Variants in SOX9 observed in about 807,000 individuals in gnomAD.
SOX9 encodes the protein transcription factor SOX-9.
In SOX9, 2 loss-of-function variants were observed where a neutral mutation model predicts 44.8. The ratio of observed to expected loss-of-function variants is 0.04; its 90% CI spans 0.02 to 0.14. SOX9 has a LOEUF of 0.14. SOX9 is among the 10% of genes least tolerant of loss of function. The pLI is 1.00. For missense variants in SOX9, 583 were observed against 728.6 expected (o/e 0.80, Z 2.30); for synonymous variants, 381 against 331.8 (o/e 1.15, Z -1.61).
rs1487984775 is a variant in SOX9, at chr17:72,123,039, G to A, written c.685+67G>A. 3.8e-6 allele frequency: 6 copies of A among 1,583,648 alleles called. No individual in the cohort carries two copies. The highest frequency in any genetic ancestry group is 5.2e-6 in the Non-Finnish European group (6 of 1,164,492). ...CCGCCTGGCACACCCCCTGCCCTCC[G>A]CCTGGGAGATTCTTCGTGGGGACTT... On this transcript the variant is annotated intron_variant, in intron 2 of 2. Transcript: ENST00000245479. This position sits in a 1 kb window ranked among gnomAD's most constrained non-coding sequence, Gnocchi z 6.5.
At position 72,124,271 on chromosome 17, in the gene SOX9, G is replaced by T. The variant is rs1336660139; in HGVS notation, c.1414G>T (p.Ala472Ser). ...CTCCACCTTCACCTACATGAACCCC[G>T]CTCAGCGCCCCATGTACACCCCCAT... ...LYSTFTYMNPAQRPMYTPIAD... is the reference protein window; with the variant it reads ...LYSTFTYMNPSQRPMYTPIAD... The change falls in exon 3 of 3, where the codon GCT becomes TCT. Residue 472 changes from alanine to serine, a missense_variant. Coordinates refer to ENST00000245479, the MANE Select transcript of SOX9 (RefSeq NM_000346.4). This position sits in a 1 kb window ranked among gnomAD's most constrained non-coding sequence, Gnocchi z 4.6. 1 of 1,611,914 alleles carries T rather than the reference G, an allele frequency of 6.2e-7. No individual in the cohort carries two copies. The highest frequency in any genetic ancestry group is 8.5e-7 in the Non-Finnish European group (1 of 1,179,878).
At position 72,125,744 on chromosome 17, in the gene SOX9, C is replaced by T. The variant is rs1908266141; in HGVS notation, c.*1357C>T. ...TCCTCACCCTAGATTTGTATAAATG[C>T]CTTTTTGTCCATCCCTTTTTTCTTT... On this transcript the variant is annotated 3_prime_UTR_variant, in exon 3 of 3. Transcript: ENST00000245479. The T allele has an allele frequency of 1.3e-5, 3 of 225,578 alleles. No individual in the cohort carries two copies. Among genetic ancestry groups the T allele is most frequent in the Non-Finnish European group, 2.7e-5 (3 of 113,144 alleles). The allele number at this position is 225,578 out of a possible 1,614,324, so 14.0% of individuals were successfully genotyped here.
chr17:72,122,418 G>A (rs1037676232), intron 1 of SOX9, among the ~76,000 whole-genome samples: 1 of 130,166 alleles, frequency 7.7e-6, no homozygotes, highest in Admixed American at 8.8e-5. Context: ...CAGCAAAGGC[G>A]TTTAGGGGGC....
rs766659226 is a variant in SOX9, at chr17:72,121,260, G to A, written c.-132G>A. 103 of 806,388 alleles carry A rather than the reference G, an allele frequency of 1.3e-4. No homozygotes were observed. The highest frequency in any genetic ancestry group is 1.9e-4 in the Non-Finnish European group (96 of 505,334). 50.0% of individuals were successfully genotyped at this position (806,388 alleles called of 1,614,324 possible). The stretch of plus-strand genomic sequence containing the variant: ...GTGCTCGCCGCGGTAGCCGGCCGAC[G>A]CGCCAGCTTCCCCGGGAGCCGCTTG... On this transcript the variant is annotated 5_prime_UTR_variant, in exon 1 of 3. Coordinates refer to ENST00000245479, the MANE Select transcript of SOX9 (RefSeq NM_000346.4). The surrounding 1 kb of genome is among the most constrained non-coding windows in gnomAD (Gnocchi z 8.3).
At position 72,121,602 on chromosome 17, in the gene SOX9, G is replaced by A. The variant is rs2143238492; in HGVS notation, c.211G>A (p.Val71Met). The A allele has an allele frequency of 6.2e-7, 1 of 1,604,836 alleles. No homozygotes were observed. Among genetic ancestry groups the A allele is most frequent in the Non-Finnish European group, 8.5e-7 (1 of 1,175,976 alleles). Residue 71 changes from valine (V) to methionine (M), a missense_variant, in exon 1 of 3, where the codon GTG (valine) becomes ATG (methionine). Val to Met is a conservative substitution (Grantham distance 21). Transcript: ENST00000245479. This position sits in a 1 kb window ranked among gnomAD's most constrained non-coding sequence, Gnocchi z 8.3. ...KKESEEDKFPVCIREAVSQVL... is the reference protein window; with the variant it reads ...KKESEEDKFPMCIREAVSQVL... Reference sequence around the variant, plus strand: ...GGAGAGCGAGGAGGACAAGTTCCCCGTGTGCATCCGCGAGGCGGTCAGCCA... The same window carrying A: ...GGAGAGCGAGGAGGACAAGTTCCCCATGTGCATCCGCGAGGCGGTCAGCCA...
rs1181101308 is a variant in SOX9, at chr17:72,121,226, C to G, written c.-166C>G. The stretch of plus-strand genomic sequence containing the variant: ...GCAGCTGTGAACTGGCCACCCCGCG[C>G]CTTCCTAAGTGCTCGCCGCGGTAGC... On this transcript the variant is annotated 5_prime_UTR_variant, in exon 1 of 3. Coordinates refer to ENST00000245479, the MANE Select transcript of SOX9 (RefSeq NM_000346.4). The surrounding 1 kb of genome is among the most constrained non-coding windows in gnomAD (Gnocchi z 8.3). 8 of 645,614 alleles carry G rather than the reference C, an allele frequency of 1.2e-5. No homozygotes were observed. In the East Asian group the frequency reaches 1.4e-4, roughly 11 times the overall value. The allele number at this position is 645,614 out of a possible 1,614,324, so 40.0% of individuals were successfully genotyped here.
In SOX9 at chr17:72,125,682, A is replaced by C; in HGVS notation, c.*1295A>C. On this transcript the variant is annotated 3_prime_UTR_variant, in exon 3 of 3. Transcript: ENST00000245479. ...CCAGTTTTTTTTTATTTATCTCTTT[A>C]ATCTTTTTTTATTATTAAAAGCAAG... 4.5e-6 allele frequency: 1 copy of C among 221,740 alleles called. No homozygotes were observed. The highest frequency in any genetic ancestry group is 8.9e-6 in the Non-Finnish European group (1 of 112,100). The allele number at this position is 221,740 out of a possible 1,614,324, so 13.7% of individuals were successfully genotyped here. A position where few individuals can be genotyped will look rare whatever the true frequency, so the allele number is the denominator to read the frequency against.
rs1156784760 is a variant in SOX9 at position 72,124,087 on chromosome 17, G to A, written c.1230G>A (p.Gln410=). 1 of 1,613,644 alleles carries A rather than the reference G, an allele frequency of 6.2e-7. No homozygotes were observed. The highest frequency in any genetic ancestry group is 2.2e-5 in the East Asian group (1 of 44,868). Residue 410 remains glutamine (Q), a synonymous_variant, in exon 3 of 3, where the codon CAG becomes CAA. Coordinates refer to ENST00000245479, the MANE Select transcript of SOX9 (RefSeq NM_000346.4). The surrounding 1 kb of genome is among the most constrained non-coding windows in gnomAD (Gnocchi z 4.6). ...TGAGCCCCAGCCACTACAGCGAGCA[G>A]CAGCAGCACTCGCCCCAACAGATCG... ...EQLSPSHYSE[Q]QQHSPQQIAY...
At position 72,121,644 on chromosome 17, in the gene SOX9, G is replaced by C. The variant is rs368623884; in HGVS notation, c.253G>C (p.Asp85His). ...EAVSQVLKGY[D>H]WTLVPMPVRV... ...GGTCAGCCAGGTGCTCAAAGGCTAC[G>C]ACTGGACGCTGGTGCCCATGCCGGT... The change falls in exon 1 of 3, where the codon GAC (aspartate) becomes CAC (histidine). Residue 85 changes from aspartate to histidine, a missense_variant. Transcript: ENST00000245479. The surrounding 1 kb of genome is among the most constrained non-coding windows in gnomAD (Gnocchi z 8.3). 9 of 1,600,358 alleles carry C rather than the reference G, an allele frequency of 5.6e-6. No homozygotes were observed. Among genetic ancestry groups the C allele is most frequent in the Non-Finnish European group, 7.7e-6 (9 of 1,173,920 alleles).
Position 72,123,936 on chromosome 17 carries a change from CGCAGCCGCAGGCGGCGCCCCCACA to C in SOX9, c.1087_1110del (p.Gln363_Pro370del), listed in dbSNP as rs1346112392. Reference sequence around the variant, plus strand: ...GCCCCGCCGGCCCCGCAGGCGCCCCCGCAGCCGCAGGCGGCGCCCCCACAGCAGCCGGCGGCACCCCCGCAGCAG... The same window carrying C: ...GCCCCGCCGGCCCCGCAGGCGCCCCCGCAGCCGGCGGCACCCCCGCAGCAG... On this transcript the variant is annotated inframe_deletion, in exon 3 of 3. Coordinates refer to ENST00000245479, the MANE Select transcript of SOX9 (RefSeq NM_000346.4). The surrounding 1 kb of genome is among the most constrained non-coding windows in gnomAD (Gnocchi z 6.5). 2.3e-6 allele frequency: 3 copies of C among 1,309,422 alleles called. No individual in the cohort carries two copies. In the African/African-American group the frequency reaches 4.6e-5, roughly 20 times the overall value. 81.1% of individuals were successfully genotyped at this position (1,309,422 alleles called of 1,614,324 possible).
chr17:72,123,031 T>C lies in SOX9; in HGVS notation c.685+59T>C, dbSNP rs2143248023. On this transcript the variant is annotated intron_variant, in intron 2 of 2. Transcript: ENST00000245479. The surrounding 1 kb of genome is among the most constrained non-coding windows in gnomAD (Gnocchi z 6.5). Reference sequence around the variant, plus strand: ...TCTCCGTCCCGCCTGGCACACCCCCTGCCCTCCGCCTGGGAGATTCTTCGT... The same window carrying C: ...TCTCCGTCCCGCCTGGCACACCCCCCGCCCTCCGCCTGGGAGATTCTTCGT... The C allele has an allele frequency of 5.6e-6, 9 of 1,593,260 alleles. No individual in the cohort carries two copies. The highest frequency in any genetic ancestry group is 7.7e-6 in the Non-Finnish European group (9 of 1,171,216).
At position 72,125,182 on chromosome 17, in the gene SOX9, T is replaced by C. The variant is rs997793336; in HGVS notation, c.*795T>C. 4.4e-6 allele frequency: 1 copy of C among 226,662 alleles called. No individual in the cohort carries two copies. The highest frequency in any genetic ancestry group is 8.8e-6 in the Non-Finnish European group (1 of 113,818). 14.0% of individuals were successfully genotyped at this position (226,662 alleles called of 1,614,324 possible). On this transcript the variant is annotated 3_prime_UTR_variant, in exon 3 of 3. Transcript: ENST00000245479. ...GAGTAAACAATAGTCTAGAGAAGCA[T>C]TTGGTAAGCTTTATCATATATATAT...
Position 72,125,643 on chromosome 17 carries a change from GTTC to G in SOX9, c.*1259_*1261del, listed in dbSNP as rs1392411037. ...GTATGGTCATCTGTTGTTAAATTAT[GTTC>G]TTAACTGTAACCAGTTTTTTTTTAT... On this transcript the variant is annotated 3_prime_UTR_variant, in exon 3 of 3. Coordinates refer to ENST00000245479, the MANE Select transcript of SOX9 (RefSeq NM_000346.4). 1 of 219,114 alleles carries G rather than the reference GTTC, an allele frequency of 4.6e-6. No homozygotes were observed. Among genetic ancestry groups the G allele is most frequent in the Non-Finnish European group, 9.0e-6 (1 of 111,144 alleles). The allele number at this position is 219,114 out of a possible 1,614,324, so 13.6% of individuals were successfully genotyped here. A position where few individuals can be genotyped will look rare whatever the true frequency, so the allele number is the denominator to read the frequency against.
chr17:72,121,335 G>A lies in SOX9; in HGVS notation c.-57G>A, dbSNP rs932189315. The A allele has an allele frequency of 1.3e-6, 2 of 1,540,232 alleles. No individual in the cohort carries two copies. Among genetic ancestry groups the A allele is most frequent in the South Asian group, 1.1e-5 (1 of 88,446 alleles). The stretch of plus-strand genomic sequence containing the variant: ...AGAGGAGCCCGCGCCTCGAGTCCCC[G>A]AGCCGCCGCGGCTTCTCGCCTTTCC... On this transcript the variant is annotated 5_prime_UTR_variant, in exon 1 of 3. Coordinates refer to ENST00000245479, the MANE Select transcript of SOX9 (RefSeq NM_000346.4). The surrounding 1 kb of genome is among the most constrained non-coding windows in gnomAD (Gnocchi z 8.3).
Position 72,121,098 on chromosome 17 carries a change from T to G in SOX9, c.-294T>G. On this transcript the variant is annotated 5_prime_UTR_variant, in exon 1 of 3. Transcript: ENST00000245479. The surrounding 1 kb of genome is among the most constrained non-coding windows in gnomAD (Gnocchi z 8.3). ...CTCGCCAGTTTCAACCCCGGAAACT[T>G]TTCTTTGCAGGAGGAGAAGAGAAGG... The G allele has an allele frequency of 1.9e-6, 1 of 540,240 alleles. No homozygotes were observed. Among genetic ancestry groups the G allele is most frequent in the Non-Finnish European group, 3.2e-6 (1 of 309,556 alleles). 33.5% of individuals were successfully genotyped at this position (540,240 alleles called of 1,614,324 possible).
Position 72,125,748 on chromosome 17 carries a change from T to C in SOX9, c.*1361T>C, listed in dbSNP as rs1908266226. On this transcript the variant is annotated 3_prime_UTR_variant, in exon 3 of 3. Coordinates refer to ENST00000245479, the MANE Select transcript of SOX9 (RefSeq NM_000346.4). ...CACCCTAGATTTGTATAAATGCCTT[T>C]TTGTCCATCCCTTTTTTCTTTGTTG... 1 of 226,752 alleles carries C rather than the reference T, an allele frequency of 4.4e-6. No homozygotes were observed. 14.0% of individuals were successfully genotyped at this position (226,752 alleles called of 1,614,324 possible). A position where few individuals can be genotyped will look rare whatever the true frequency, so the allele number is the denominator to read the frequency against.
rs1908070498 is a variant in SOX9 at position 72,121,122 on chromosome 17, G to A, written c.-270G>A. 3.6e-6 allele frequency: 2 copies of A among 562,534 alleles called. No individual in the cohort carries two copies. Among genetic ancestry groups the A allele is most frequent in the Non-Finnish European group, 6.2e-6 (2 of 320,776 alleles). 34.8% of individuals were successfully genotyped at this position (562,534 alleles called of 1,614,324 possible). The stretch of plus-strand genomic sequence containing the variant: ...TTTTCTTTGCAGGAGGAGAAGAGAA[G>A]GGGTGCAAGCGCCCCCACTTTTGCT... On this transcript the variant is annotated 5_prime_UTR_variant, in exon 1 of 3. Coordinates refer to ENST00000245479, the MANE Select transcript of SOX9 (RefSeq NM_000346.4). The surrounding 1 kb of genome is among the most constrained non-coding windows in gnomAD (Gnocchi z 8.3).
Position 72,122,857 on chromosome 17 carries a change from G to A in SOX9, c.570G>A (p.Glu190=), listed in dbSNP as rs1436474238. Residue 190 remains glutamate (E), a synonymous_variant, in exon 2 of 3, where the codon GAG becomes GAA. Coordinates refer to ENST00000245479, the MANE Select transcript of SOX9 (RefSeq NM_000346.4). ...KSVKNGQAEA[E]EATEQTHISP... ...TGAAGAACGGGCAGGCGGAGGCAGAGGAGGCCACGGAGCAGACGCACATCT... is the reference window on the plus strand; with the variant it reads ...TGAAGAACGGGCAGGCGGAGGCAGAAGAGGCCACGGAGCAGACGCACATCT... 7 of 1,614,190 alleles carry A rather than the reference G, an allele frequency of 4.3e-6. No individual in the cohort carries two copies. The highest frequency in any genetic ancestry group is 5.9e-6 in the Non-Finnish European group (7 of 1,180,042).
rs369677666 is a variant in SOX9, at chr17:72,122,764, G to A, written c.477G>A (p.Glu159=). The change falls in exon 2 of 3, where the codon GAG becomes GAA. Residue 159 remains glutamate (E), a synonymous_variant. Coordinates refer to ENST00000245479, the MANE Select transcript of SOX9 (RefSeq NM_000346.4). ...SEKRPFVEEA[E]RLRVQHKKDH... ...AGCGGCCCTTCGTGGAGGAGGCGGA[G>A]CGGCTGCGCGTGCAGCACAAGAAGG... The A allele has an allele frequency of 2.5e-5, 41 of 1,614,072 alleles. No homozygotes were observed. The East Asian group carries it at 3.1e-4, about 12-fold the overall frequency.
Sources: allele counts gnomAD v4.1 joint callset (sites outside exome capture counted in the v4.1 genomes callset), GRCh38; gene constraint gnomAD v4.1.1; non-coding constraint Gnocchi (gnomAD v3.1); transcripts MANE v1.5; gene names NCBI Gene and HGNC (gene_info 2026-07-23, HGNC 2026-07-21).